The following FAM135B variants were observed in gnomAD, a reference collection of about 807,000 sequenced individuals.
FAM135B encodes the protein family with sequence similarity 135 member B.
Under a neutral mutation model 127.7 loss-of-function variants are expected in FAM135B, and 43 were observed. The observed-to-expected ratio is 0.34, with a 90% CI of 0.26 to 0.43. The LOEUF (loss-of-function observed/expected upper bound fraction) is 0.43. Among genes scored for constraint, FAM135B ranks in the 20% least tolerant of loss-of-function variants. The probability of loss-of-function intolerance (pLI) is 1.00; values close to 1 mark genes in which losing one functional copy is unlikely to be tolerated. For synonymous variants in FAM135B, 670 were observed against 665.1 expected, an observed-to-expected ratio of 1.01 and a Z score of -0.11; for missense variants, 1,558 against 1,725.6, an observed-to-expected ratio of 0.90 and a Z score of 1.72.
intron 7 of FAM135B, among the ~76,000 whole-genome samples, chr8:138,198,155 A>G (rs1258191761): frequency 1.3e-5 from 2 of 152,254 alleles, no homozygotes; most frequent in African/African-American, 4.8e-5. Context: ...TGCTGTTCTC[A>G]TGATAGTGAA....
At chr8:138,188,622 G>T (rs1289776198) in intron 9 of FAM135B, among the ~76,000 whole-genome samples, 1 of 152,148 alleles carries the variant, frequency 6.6e-6, no homozygotes, top group African/African-American at 2.4e-5. Context: ...GGTGCCTGGG[G>T]CACACAGGCC....
At chr8:138,270,928 G>A (rs1161053458) in intron 3 of FAM135B, among the ~76,000 whole-genome samples, 1 of 152,222 alleles carries the variant, frequency 6.6e-6, no homozygotes, top group South Asian at 2.1e-4. Context: ...GCAGCAAAGG[G>A]TTCACTTTTG....
In FAM135B at chr8:138,298,681, A is replaced by AACC. The variant is rs1380973101; in HGVS notation, c.157+12159_157+12160insGGT. Among the ~76,000 whole-genome samples the AACC allele has an allele frequency of 9.2e-5, 14 of 152,306 alleles. No homozygotes were observed. In the East Asian group the frequency reaches 2.7e-3, roughly 29 times the overall value. On this transcript the variant is annotated intron_variant, in intron 3 of 19. Coordinates refer to ENST00000395297, the MANE Select transcript of FAM135B (RefSeq NM_015912.4). Reference sequence around the variant, plus strand: ...CAATAATATAATAGTGACAAGCCAGACTGTCTGAGTTAGAACCCTGACCCC... The same window carrying AACC: ...CAATAATATAATAGTGACAAGCCAGAACCCTGTCTGAGTTAGAACCCTGACCCC...
chr8:138,446,096 A>G (rs1282058997), intron 1 of FAM135B, among the ~76,000 whole-genome samples: 1 of 152,206 alleles, frequency 6.6e-6, no homozygotes, highest in Non-Finnish European at 1.5e-5. Flanking sequence ...CCAACTTACA[A>G]CGGATGTGAA....
At chr8:138,320,023 G>T (rs565999472) in intron 2 of FAM135B, among the ~76,000 whole-genome samples, 14 of 152,272 alleles carry the variant, frequency 9.2e-5, no homozygotes, top group Non-Finnish European at 1.6e-4. Flanking sequence ...AACTGGAAAA[G>T]ATAAAGAAAC....
chr8:138,372,969 C>A (rs1319206646), intron 1 of FAM135B, among the ~76,000 whole-genome samples: 1 of 152,124 alleles, frequency 6.6e-6, no homozygotes, highest in Admixed American at 6.5e-5. Context: ...TAAACCCTGC[C>A]TTGAGTTTAA....
intron 2 of FAM135B, among the ~76,000 whole-genome samples, chr8:138,334,728 C>G (rs920284273): frequency 6.6e-6 from 1 of 152,120 alleles, no homozygotes. Context: ...TGATCTTGTT[C>G]TTTTTTATGG....
At chr8:138,378,581 C>T (rs772221076) in intron 1 of FAM135B, among the ~76,000 whole-genome samples, 7 of 152,212 alleles carry the variant, frequency 4.6e-5, no homozygotes, top group Non-Finnish European at 5.9e-5. Flanking sequence ...TCTTCAGGGC[C>T]TCCCTGCTGA....
chr8:138,243,378 G>C lies in FAM135B; in HGVS notation c.543-310C>G, dbSNP rs529383903. Among the ~76,000 whole-genome samples, 1 of 152,280 alleles carries C rather than the reference G, an allele frequency of 6.6e-6. No homozygotes were observed. The highest frequency in any genetic ancestry group is 1.5e-5 in the Non-Finnish European group (1 of 68,020). ...GCAGAGCTCCAAGCTTATATCACTA[G>C]AGGGGAAGGTGGCATGGGCTCCGAA... On this transcript the variant is annotated intron_variant, in intron 6 of 19. Coordinates refer to ENST00000395297, the MANE Select transcript of FAM135B (RefSeq NM_015912.4). The surrounding 1 kb of genome is among the most constrained non-coding windows in gnomAD (Gnocchi z 7.5).
chr8:138,187,067 C>T (rs1392724223), intron 9 of FAM135B, among the ~76,000 whole-genome samples: 5 of 152,198 alleles, frequency 3.3e-5, no homozygotes, highest in African/African-American at 1.2e-4. Flanking sequence ...AGCCAGCATT[C>T]CCTAGGCCAG....
At chr8:138,252,179 T>A (rs919924746) in intron 5 of FAM135B, among the ~76,000 whole-genome samples, 4 of 152,358 alleles carry the variant, frequency 2.6e-5, no homozygotes, top group African/African-American at 7.2e-5. Flanking sequence ...ACATTCTTTT[T>A]AATTCAGGCT....
At chr8:138,486,468 C>G (rs75873971) in intron 1 of FAM135B, among the ~76,000 whole-genome samples, 5 of 152,152 alleles carry the variant, frequency 3.3e-5, no homozygotes, top group African/African-American at 1.2e-4. Context: ...CACTCTATCA[C>G]CCAGTTGATT....
intron 4 of FAM135B, among the ~76,000 whole-genome samples, chr8:138,257,231 C>T (rs1280074080): frequency 3.9e-5 from 6 of 152,112 alleles, no homozygotes; most frequent in South Asian, 4.1e-4. Context: ...CCATTGCCCA[C>T]GTGTCCAGAG....
intron 1 of FAM135B, among the ~76,000 whole-genome samples, chr8:138,369,266 T>C (rs1484763974): frequency 1.3e-5 from 2 of 152,130 alleles, no homozygotes; most frequent in African/African-American, 2.4e-5. Flanking sequence ...AGGGAACACA[T>C]GGCTCTGTCA....
chr8:138,202,703 A>T (rs1817240203), intron 7 of FAM135B, among the ~76,000 whole-genome samples: 1 of 152,248 alleles, frequency 6.6e-6, no homozygotes, highest in African/African-American at 2.4e-5. Context: ...TTATTCCAGC[A>T]AAATGCAGAC....
At chr8:138,335,626 A>C (rs1828519959) in intron 2 of FAM135B, among the ~76,000 whole-genome samples, 1 of 152,216 alleles carries the variant, frequency 6.6e-6, no homozygotes, top group Non-Finnish European at 1.5e-5. Flanking sequence ...AGAGACTACA[A>C]AGAGACTTAG....
At chr8:138,458,416 TGGATACTCCA>T (rs1373529010) in intron 1 of FAM135B, among the ~76,000 whole-genome samples, 1 of 152,228 alleles carries the variant, frequency 6.6e-6, no homozygotes, top group Non-Finnish European at 1.5e-5. Context: ...GTGGGAAACT[TGGATACTCCA>T]GGTGAGAGGG....
intron 2 of FAM135B, among the ~76,000 whole-genome samples, chr8:138,340,886 C>T (rs960505278): frequency 8.5e-5 from 13 of 152,152 alleles, no homozygotes; most frequent in South Asian, 2.1e-4. Context: ...TCTCAGCCCC[C>T]GCATGCTCTC....
chr8:138,207,930 C>A (rs1050731532), intron 7 of FAM135B, among the ~76,000 whole-genome samples: 4 of 152,170 alleles, frequency 2.6e-5, no homozygotes, highest in Non-Finnish European at 5.9e-5. Context: ...CCAGGGCTCA[C>A]GACTCATGTA....
Sources: gnomAD v4.1 joint callset for allele counts (sites outside exome capture counted in the v4.1 genomes callset) on GRCh38, gnomAD v4.1.1 for gene constraint, Gnocchi (gnomAD v3.1) non-coding constraint, MANE v1.5 for transcripts, NCBI Gene and HGNC (gene_info 2026-07-23, HGNC 2026-07-21) for gene names.